APC: variants seen among roughly 807,000 people sequenced by gnomAD.
The protein encoded by APC is adenomatous polyposis coli protein.
Under a neutral mutation model 247.0 loss-of-function variants are expected in APC, and 72 were observed. The ratio of observed to expected loss-of-function variants is 0.29; its 90% CI spans 0.24 to 0.35. The LOEUF (loss-of-function observed/expected upper bound fraction) is 0.35, where lower values mean the gene tolerates loss of function less well. Among genes scored for constraint, APC ranks in the 10% least tolerant of loss-of-function variants. The pLI, the probability that APC is intolerant of heterozygous loss-of-function variation, is 1.00. For missense variants in APC, 3,400 were observed against 3,360.7 expected (o/e 1.01, Z -0.29); for synonymous variants, 1,254 against 1,162.5 (o/e 1.08, Z -1.60).
chr5:112,838,114 C>T lies in APC; in HGVS notation c.2520C>T (p.Ser840=), dbSNP rs1460612068. 1.2e-6 allele frequency: 2 copies of T among 1,614,160 alleles called. No individual in the cohort carries two copies. The highest frequency in any genetic ancestry group is 2.2e-5 in the East Asian group (1 of 44,880). ...CCAGCTCCTCTTCATCAAGAGGAAGCTTAGATAGTTCTCGTTCTGAAAAAG... is the reference window on the plus strand; with the variant it reads ...CCAGCTCCTCTTCATCAAGAGGAAGTTTAGATAGTTCTCGTTCTGAAAAAG... ...VLPSSSSSRG[S]LDSSRSEKDR... The change falls in exon 16 of 16, where the codon AGC becomes AGT. Residue 840 remains serine, a synonymous_variant. Coordinates refer to ENST00000257430, the MANE Select transcript of APC (RefSeq NM_000038.6).
At chr5:112,830,710 A>G (rs1371949450) in intron 14 of APC, among the ~76,000 whole-genome samples, 1 of 152,230 alleles carries the variant, frequency 6.6e-6, no homozygotes, top group Non-Finnish European at 1.5e-5. Context: ...TCGGCTGTGA[A>G]AAAGAATGAC....
In APC at chr5:112,841,778, A is replaced by C. The variant is rs1561605668; in HGVS notation, c.6184A>C (p.Lys2062Gln). ...KPSRLKGDNE[K>Q]HSPRNMGGIL... is the part of the protein sequence containing the mutation. ...TTCAAGACTCAAGGGTGATAATGAA[A>C]AACATAGTCCCAGAAATATGGGTGG... The change falls in exon 16 of 16, where the codon AAA (lysine) becomes CAA (glutamine). Residue 2062 changes from lysine (K) to glutamine (Q), a missense_variant. Around this residue, in one of 9 missense-constraint regions of APC, gnomAD observed 1,788 missense variants for 1,649.5 expected, o/e 1.08. Transcript: ENST00000257430. This position sits in a 1 kb window ranked among gnomAD's most constrained non-coding sequence, Gnocchi z 4.6. 6.2e-7 allele frequency: 1 copy of C among 1,614,004 alleles called. No homozygotes were observed. Among genetic ancestry groups the C allele is most frequent in the Non-Finnish European group, 8.5e-7 (1 of 1,179,968 alleles).
chr5:112,844,090 G>A lies in APC; in HGVS notation c.8496G>A (p.Lys2832=), dbSNP rs760622524. ...STESSGTQSP[K]RHSGSYLVTS... Reference sequence around the variant, plus strand: ...AATCCAGTGGAACCCAAAGTCCTAAGCGCCATTCTGGGTCTTACCTTGTGA... The same window carrying A: ...AATCCAGTGGAACCCAAAGTCCTAAACGCCATTCTGGGTCTTACCTTGTGA... Residue 2832 remains lysine (K), a synonymous_variant, in exon 16 of 16, where the codon AAG becomes AAA. Transcript: ENST00000257430. The A allele has an allele frequency of 6.2e-7, 1 of 1,611,766 alleles. No homozygotes were observed.
At chr5:112,733,248 A>G (rs750266369), upstream of APC, among the ~76,000 whole-genome samples, 5 of 152,218 alleles carry the variant, frequency 3.3e-5, no homozygotes, top group Non-Finnish European at 5.9e-5. Context: ...ATGGCTCCCT[A>G]CAAATGTCTG....
chr5:112,796,459 AT>A (rs1187010382), intron 7 of APC, among the ~76,000 whole-genome samples: 6 of 152,172 alleles, frequency 3.9e-5, no homozygotes, highest in African/African-American at 1.2e-4. Context: ...GTAGAAACTT[AT>A]TTGCTAAGTA....
intron 1 of APC, among the ~76,000 whole-genome samples, chr5:112,714,713 T>A (rs944694216): frequency 6.6e-6 from 1 of 152,202 alleles, no homozygotes. Flanking sequence ...ACTGAAACTT[T>A]CCCTAAACAT....
Position 112,841,437 on chromosome 5 carries a change from A to G in APC, c.5843A>G (p.Asp1948Gly), listed in dbSNP as rs2149950692. The stretch of plus-strand genomic sequence containing the variant: ...ATACCAGACAGAGGGGCAGCAACTG[A>G]TGAAAAGTTACAGAATTTTGCTATT... ...KDIPDRGAAT[D>G]EKLQNFAIEN... The change falls in exon 16 of 16, where the codon GAT becomes GGT. Residue 1948 changes from aspartate to glycine, a missense_variant. Transcript: ENST00000257430. This position sits in a 1 kb window ranked among gnomAD's most constrained non-coding sequence, Gnocchi z 4.6. 1 of 1,614,052 alleles carries G rather than the reference A, an allele frequency of 6.2e-7. No individual in the cohort carries two copies. The highest frequency in any genetic ancestry group is 8.5e-7 in the Non-Finnish European group (1 of 1,179,914).
At position 112,843,212 on chromosome 5, in the gene APC, C is replaced by G. The variant is rs1554088531; in HGVS notation, c.7618C>G (p.Pro2540Ala). 1 of 1,613,522 alleles carries G rather than the reference C, an allele frequency of 6.2e-7. No homozygotes were observed. Among genetic ancestry groups the G allele is most frequent in the Non-Finnish European group, 8.5e-7 (1 of 1,179,488 alleles). Residue 2540 changes from proline (P) to alanine (A), a missense_variant, in exon 16 of 16, where the codon CCA becomes GCA. By Grantham distance (27) the Pro-to-Ala change is conservative. Coordinates refer to ENST00000257430, the MANE Select transcript of APC (RefSeq NM_000038.6). This position sits in a 1 kb window ranked among gnomAD's most constrained non-coding sequence, Gnocchi z 4.8. ...TCATTCTGAAAGTCCTTCTAGACTT[C>G]CAATCAATAGGTCAGGAACCTGGAA... Reference protein sequence around the residue: ...RSHSESPSRLPINRSGTWKRE... With the variant: ...RSHSESPSRLAINRSGTWKRE...
chr5:112,787,628 C>A (rs983151058), intron 6 of APC, among the ~76,000 whole-genome samples: 2 of 152,144 alleles, frequency 1.3e-5, no homozygotes, highest in Non-Finnish European at 2.9e-5. Context: ...CTTGCTCATT[C>A]CCTACTGTTA....
At chr5:112,816,757 C>T (rs1222151768) in intron 9 of APC, among the ~76,000 whole-genome samples, 1 of 150,558 alleles carries the variant, frequency 6.6e-6, no homozygotes, top group Non-Finnish European at 1.5e-5. Context: ...TGTGCCATTG[C>T]ACTCCAGCCT....
chr5:112,734,627 A>G (rs1395585439), upstream of APC, among the ~76,000 whole-genome samples: 1 of 152,218 alleles, frequency 6.6e-6, no homozygotes, highest in African/African-American at 2.4e-5. Flanking sequence ...GTAAAGCACC[A>G]GAGTCAATTA....
At chr5:112,771,197 GTCTT>G (rs1367953526) in intron 4 of APC, among the ~76,000 whole-genome samples, 1 of 152,036 alleles carries the variant, frequency 6.6e-6, no homozygotes, top group Non-Finnish European at 1.5e-5. Flanking sequence ...TTTGGACTGT[GTCTT>G]TCTTATATAG....
intron 11 of APC, 46 bp from the exon 12 acceptor site, chr5:112,827,062 T>TAA (rs752388927): frequency 1.4e-5 from 22 of 1,607,464 alleles, no homozygotes; most frequent in Non-Finnish European, 1.9e-5. Flanking sequence ...ACCAGTTTGT[T>TAA]TTATTTTAGA....
chr5:112,822,633 T>G (rs1347123543), intron 11 of APC, among the ~76,000 whole-genome samples: 1 of 152,224 alleles, frequency 6.6e-6, no homozygotes, highest in Non-Finnish European at 1.5e-5. Context: ...TTCTTTGATT[T>G]CTAGGTTCAT....
At chr5:112,766,530 TAGCCTTACCCTC>T in intron 3 of APC, 120 bp downstream of exon 3, 1 of 688,266 alleles carries the variant, frequency 1.5e-6, no homozygotes, top group Non-Finnish European at 2.6e-6. Context: ...CTTGGTATGT[TAGCCTTACCCTC>T]AGGATGTAAT....
At chr5:112,775,193 G>T (rs1192521348) in intron 4 of APC, among the ~76,000 whole-genome samples, 2 of 152,148 alleles carry the variant, frequency 1.3e-5, no homozygotes, top group East Asian at 3.9e-4. Context: ...GAAGCTGAAA[G>T]CCACATCAGT....
chr5:112,748,471 T>C (rs1043556917), intron 1 of APC, among the ~76,000 whole-genome samples: 1 of 152,182 alleles, frequency 6.6e-6, no homozygotes, highest in African/African-American at 2.4e-5. Flanking sequence ...TAAATTTTAC[T>C]GTGTGAATTA....
At chr5:112,811,504 T>C (rs1761980575) in intron 8 of APC, among the ~76,000 whole-genome samples, 1 of 152,210 alleles carries the variant, frequency 6.6e-6, no homozygotes, top group African/African-American at 2.4e-5. Context: ...TCATAGAGAA[T>C]ACGAGTATGT....
intron 3 of APC, 149 bp from the exon 4 acceptor site, chr5:112,767,040 G>C: frequency 7.0e-6 from 5 of 719,150 alleles, no homozygotes; most frequent in Non-Finnish European, 1.2e-5. Context: ...ACTTTTCAGG[G>C]AAAGTCCTAA....
Sources: allele counts gnomAD v4.1 joint callset (sites outside exome capture counted in the v4.1 genomes callset), GRCh38; gene constraint gnomAD v4.1.1; regional missense constraint gnomAD v4.1.1; non-coding constraint Gnocchi (gnomAD v3.1); transcripts MANE v1.5; gene names NCBI Gene and HGNC (gene_info 2026-07-23, HGNC 2026-07-21).